Variants in SERHL2 observed in about 807,000 individuals in gnomAD.
The protein encoded by SERHL2 is serine hydrolase-like protein 2.
A neutral mutation model predicts 25.5 loss-of-function variants in SERHL2; 29 were observed. That is an observed-to-expected ratio of 1.14 (90% CI 0.85 to 1.55). SERHL2 has a LOEUF of 1.55. Ranked by LOEUF, SERHL2 falls within the 40% of genes most tolerant of loss-of-function variation. The probability of loss-of-function intolerance (pLI) is 0.00; values close to 1 mark genes in which losing one functional copy is unlikely to be tolerated. For synonymous variants in SERHL2, 95 were observed against 103.5 expected (o/e 0.92, Z 0.50); for missense variants, 240 against 252.3 (o/e 0.95, Z 0.33).
At chr22:42,568,500 A>G (rs1167599020) in intron 9 of SERHL2, among the ~76,000 whole-genome samples, 1 of 151,944 alleles carries the variant, frequency 6.6e-6, no homozygotes. Flanking sequence ...CTTAGGGACC[A>G]TGTCTTATGT....
At chr22:42,566,102 G>A (rs1457211316) in intron 8 of SERHL2, among the ~76,000 whole-genome samples, 1 of 152,084 alleles carries the variant, frequency 6.6e-6, no homozygotes, top group East Asian at 1.9e-4. Context: ...GGGCTGACAG[G>A]TCTGTGGCCA....
intron 6 of SERHL2, among the ~76,000 whole-genome samples, chr22:42,557,557 CA>C (rs3046378): frequency 3.1e-3 from 142 of 45,486 alleles, no homozygotes; most frequent in African/African-American, 6.4e-3. Context: ...CTCCGTCTCC[CA>C]AAAAAAAAAA....
At chr22:42,557,557 CAAAAAAAAAAAA>C (rs3046378) in intron 6 of SERHL2, among the ~76,000 whole-genome samples, 3 of 45,500 alleles carry the variant, frequency 6.6e-5, no homozygotes, top group African/African-American at 1.4e-4. Flanking sequence ...CTCCGTCTCC[CAAAAAAAAAAAA>C]AAAAAAAAAA....
intron 9 of SERHL2, chr22:42,569,848 T>A (rs1421225588): frequency 7.8e-6 from 1 of 127,590 alleles, no homozygotes; most frequent in African/African-American, 4.3e-5. Flanking sequence ...TTTGTGTGTG[T>A]GTGTGTGTGT....
intron 9 of SERHL2, among the ~76,000 whole-genome samples, chr22:42,568,819 A>G (rs1180158580): frequency 6.6e-6 from 1 of 151,896 alleles, no homozygotes; most frequent in Admixed American, 6.5e-5. Context: ...TACAAAAATT[A>G]GCCGGGTGTG....
At chr22:42,562,861 C>G (rs1922856979) in intron 8 of SERHL2, among the ~76,000 whole-genome samples, 1 of 151,992 alleles carries the variant, frequency 6.6e-6, no homozygotes, top group Non-Finnish European at 1.5e-5. Flanking sequence ...GGGGCCCACT[C>G]TGCCTGGGGT....
chr22:42,568,774 C>G (rs142223501), intron 9 of SERHL2, among the ~76,000 whole-genome samples: 1,639 of 152,010 alleles, frequency 0.011, 29 homozygotes, highest in African/African-American at 0.038. Context: ...AGACCAGCCT[C>G]GCCAACATGG....
At chr22:42,569,358 A>T (rs1330040437) in intron 9 of SERHL2, 1 of 151,614 alleles carries the variant, frequency 6.6e-6, no homozygotes, top group African/African-American at 2.4e-5. Flanking sequence ...TCCCGGGTTC[A>T]AGCAATTCTC....
At chr22:42,572,858 T>A (rs1382552530) in intron 11 of SERHL2, 1 of 376,874 alleles carries the variant, frequency 2.7e-6, no homozygotes, top group Admixed American at 6.5e-5. Context: ...TTTTAAGAGA[T>A]GGGGTTTCAC....
chr22:42,571,386 G>A, intron 10 of SERHL2, 183 bp downstream of exon 10: 3 of 1,415,530 alleles, frequency 2.1e-6, no homozygotes, highest in East Asian at 2.7e-5. Flanking sequence ...GGTCAGAGGA[G>A]GGGAGGGCTC....
intron 7 of SERHL2, 142 bp from the exon 8 acceptor site, chr22:42,560,044 T>C (rs1922484427): frequency 1.5e-6 from 1 of 646,508 alleles, no homozygotes; most frequent in African/African-American, 1.8e-5. Flanking sequence ...ACTCCTGACC[T>C]CAGATGATCC....
intron 9 of SERHL2, among the ~76,000 whole-genome samples, chr22:42,567,341 TTTTC>T (rs1169001877): frequency 6.6e-6 from 1 of 150,604 alleles, no homozygotes; most frequent in Non-Finnish European, 1.5e-5. Flanking sequence ...ATTCATTTTC[TTTTC>T]TTTTTTTCTT....
intron 8 of SERHL2, among the ~76,000 whole-genome samples, chr22:42,561,220 C>G (rs987944093): frequency 5.9e-5 from 9 of 152,052 alleles, no homozygotes; most frequent in Admixed American, 5.9e-4. Context: ...CAGGAAGCAG[C>G]TCTCCCAGGG....
In SERHL2 at chr22:42,568,342, A is replaced by C. The variant is rs760838094; in HGVS notation, c.648+2004A>C. Among the ~76,000 whole-genome samples the C allele has an allele frequency of 3.8e-4, 46 of 120,052 alleles. 2 individuals carry two copies. Among genetic ancestry groups the C allele is most frequent in the Non-Finnish European group, 7.0e-4 (39 of 55,912 alleles). 78.8% of individuals were successfully genotyped at this position (120,052 alleles called of 152,430 possible). On this transcript the variant is annotated intron_variant, in intron 9 of 11. Transcript: ENST00000327678. ...CCAGCCATTGTAATTGTTTTTCTAG[A>C]TGAACAATACCAGCTGTTGGGTGGT...
In SERHL2 at chr22:42,571,162, G is replaced by A. The variant is rs370135861; in HGVS notation, c.690G>A (p.Ala230=). 44 of 1,613,448 alleles carry A rather than the reference G, an allele frequency of 2.7e-5. 1 individual carries two copies. Among genetic ancestry groups the A allele is most frequent in the Non-Finnish European group, 3.5e-5 (41 of 1,179,654 alleles). ...SIDFISRELC[A]HSIRKLQAHV... ...ACTTCATCAGCAGGGAGCTGTGTGCGCATTCCATCAGGAAGCTGCAGGCCC... is the reference window on the plus strand; with the variant it reads ...ACTTCATCAGCAGGGAGCTGTGTGCACATTCCATCAGGAAGCTGCAGGCCC... Residue 230 remains alanine (A), a synonymous_variant, in exon 10 of 12, where the codon GCG becomes GCA. Transcript: ENST00000327678.
At position 42,567,794 on chromosome 22, in the gene SERHL2, T is replaced by C. The variant is rs369625083; in HGVS notation, c.648+1456T>C. Among the ~76,000 whole-genome samples the C allele has an allele frequency of 2.1e-4, 32 of 151,848 alleles. No individual in the cohort carries two copies. The South Asian group carries it at 4.6e-3, about 22-fold the overall frequency. ...TGCAAAGGCTGGAGTGCAATGGCAC[T>C]ATCTCAGCTCACGGCAACCTTTGCC... On this transcript the variant is annotated intron_variant, in intron 9 of 11. Transcript: ENST00000327678.
At position 42,574,094 on chromosome 22, in the gene SERHL2, C is replaced by T; in HGVS notation, c.*39C>T. On this transcript the variant is annotated 3_prime_UTR_variant, in exon 12 of 12. Coordinates refer to ENST00000327678, the MANE Select transcript of SERHL2 (RefSeq NM_014509.5). Reference sequence around the variant, plus strand: ...ACTATGAAGACCTAGTGCTCCCAGACTCAACACTGGGACTCTGAGTTCCTG... The same window carrying T: ...ACTATGAAGACCTAGTGCTCCCAGATTCAACACTGGGACTCTGAGTTCCTG... 4 of 1,581,902 alleles carry T rather than the reference C, an allele frequency of 2.5e-6. No homozygotes were observed. Among genetic ancestry groups the T allele is most frequent in the African/African-American group, 1.3e-5 (1 of 74,432 alleles).
At chr22:42,570,712 TC>T (rs1924051165) in intron 9 of SERHL2, among the ~76,000 whole-genome samples, 1 of 152,088 alleles carries the variant, frequency 6.6e-6, no homozygotes, top group Admixed American at 6.5e-5. Flanking sequence ...AAGAAGCCTG[TC>T]CCAGGCTGGC....
intron 9 of SERHL2, among the ~76,000 whole-genome samples, chr22:42,567,006 G>T (rs1414902854): frequency 5.3e-5 from 8 of 151,954 alleles, no homozygotes; most frequent in Non-Finnish European, 8.8e-5. Flanking sequence ...GGGGAGCCAA[G>T]CCCTGGGCCT....
Sources: gnomAD v4.1 joint callset for allele counts (sites outside exome capture counted in the v4.1 genomes callset) on GRCh38, gnomAD v4.1.1 for gene constraint, MANE v1.5 for transcripts, NCBI Gene and HGNC (gene_info 2026-07-23, HGNC 2026-07-21) for gene names.